PTK2B: variants seen among roughly 807,000 people sequenced by gnomAD.
The protein encoded by PTK2B is protein-tyrosine kinase 2-beta.
PTK2B carries 71 observed loss-of-function variants against 142.9 expected under a neutral mutation model. That is an observed-to-expected ratio of 0.50 (90% confidence interval 0.41 to 0.61). The LOEUF is 0.61. Ranked by LOEUF, PTK2B falls within the 20% of genes least tolerant of loss-of-function variation. PTK2B has a pLI of 0.00. For synonymous variants in PTK2B, 519 were observed against 503.4 expected (o/e 1.03, Z -0.42); for missense variants, 1,105 against 1,320.4 (o/e 0.84, Z 2.53).
chr8:27,356,757 C>T lies in PTK2B; in HGVS notation c.-38+31076C>T, dbSNP rs111371017. Among the ~76,000 whole-genome samples, 10 of 152,356 alleles carry T rather than the reference C, an allele frequency of 6.6e-5. No homozygotes were observed. The South Asian group carries it at 8.3e-4, about 13-fold the overall frequency. ...ATGAACAAACTATTGACACGGGCAA[C>T]GACCTGGATGGATCTCAAGGGTATT... is the stretch of plus-strand genomic sequence containing the variant. On this transcript the variant is annotated intron_variant, in intron 1 of 30. Transcript: ENST00000346049.
chr8:27,438,156 G>A (rs758795902), intron 18 of PTK2B, among the ~76,000 whole-genome samples: 26 of 152,204 alleles, frequency 1.7e-4, no homozygotes, highest in Non-Finnish European at 3.8e-4. Context: ...TCCCCTGTGA[G>A]TGCCAGGAAA....
chr8:27,345,728 T>A (rs1804674521), intron 1 of PTK2B, among the ~76,000 whole-genome samples: 1 of 152,240 alleles, frequency 6.6e-6, no homozygotes, highest in Non-Finnish European at 1.5e-5. Flanking sequence ...AGGCAGCTTC[T>A]ATGACACATG....
chr8:27,407,679 CAG>C (rs1347137682), intron 2 of PTK2B, among the ~76,000 whole-genome samples: 2 of 152,202 alleles, frequency 1.3e-5, no homozygotes, highest in African/African-American at 4.8e-5. Context: ...TCAGGGGAGT[CAG>C]AGGAACCTCT....
At chr8:27,337,887 G>A (rs1187982576) in intron 1 of PTK2B, among the ~76,000 whole-genome samples, 1 of 152,190 alleles carries the variant, frequency 6.6e-6, no homozygotes, top group African/African-American at 2.4e-5. Flanking sequence ...AGACTTAAGA[G>A]TGGAGTTGCC....
intron 1 of PTK2B, among the ~76,000 whole-genome samples, chr8:27,347,450 A>C (rs1804783559): frequency 6.6e-6 from 1 of 152,220 alleles, no homozygotes; most frequent in South Asian, 2.1e-4. Context: ...GGGCAGCTTC[A>C]ACAACGGAGA....
chr8:27,445,133 G>A (rs1294726692), intron 23 of PTK2B, among the ~76,000 whole-genome samples: 1 of 152,202 alleles, frequency 6.6e-6, no homozygotes, highest in Non-Finnish European at 1.5e-5. Flanking sequence ...TACTAAGGAG[G>A]GTGAGATGGG....
chr8:27,414,357 G>A (rs1190886836), intron 2 of PTK2B, among the ~76,000 whole-genome samples: 2 of 151,976 alleles, frequency 1.3e-5, no homozygotes, highest in African/African-American at 4.8e-5. Context: ...CCATTCTCCT[G>A]CCTCAGCCTC....
intron 3 of PTK2B, among the ~76,000 whole-genome samples, chr8:27,420,412 G>A (rs1487264225): frequency 6.6e-6 from 1 of 152,208 alleles, no homozygotes; most frequent in Non-Finnish European, 1.5e-5. Context: ...TGCCATGAGG[G>A]AGAAAGGTGG....
intron 30 of PTK2B, among the ~76,000 whole-genome samples, chr8:27,457,868 G>A (rs931087131): frequency 2.6e-5 from 4 of 151,846 alleles, no homozygotes; most frequent in Non-Finnish European, 5.9e-5. Flanking sequence ...CCAGCTACTC[G>A]GGAGGCTGAG....
At position 27,451,389 on chromosome 8, in the gene PTK2B, C is replaced by CT. The variant is rs893590966; in HGVS notation, c.2524-96_2524-95insT. Reference sequence around the variant, plus strand: ...CGACCCCATGGCTGTAATCTCTAAACACACAGTGGAGGGACTGGGGAATGG... The same window carrying CT: ...CGACCCCATGGCTGTAATCTCTAAACTACACAGTGGAGGGACTGGGGAATGG... On this transcript the variant is annotated intron_variant, in intron 26 of 30. Coordinates refer to ENST00000346049, the MANE Select transcript of PTK2B (RefSeq NM_173176.3). 5 of 1,571,038 alleles carry CT rather than the reference C, an allele frequency of 3.2e-6. No homozygotes were observed. In the Admixed American group the frequency reaches 5.2e-5, roughly 16 times the overall value.
At chr8:27,446,483 G>C (rs574912611) in intron 24 of PTK2B, among the ~76,000 whole-genome samples, 1 of 152,158 alleles carries the variant, frequency 6.6e-6, no homozygotes, top group Non-Finnish European at 1.5e-5. Context: ...GTCACGGGGG[G>C]TTGTTAACTG....
upstream of PTK2B, chr8:27,323,262 C>G (rs1447581753): frequency 6.6e-6 from 1 of 152,256 alleles, no homozygotes; most frequent in African/African-American, 2.4e-5. Context: ...TGTTGACATT[C>G]ACAGGGAGGG....
chr8:27,321,002 T>TTTTTTTTTTTTTG (rs1253311095), upstream of PTK2B, among the ~76,000 whole-genome samples: 1 of 132,318 alleles, frequency 7.6e-6, no homozygotes, highest in African/African-American at 2.9e-5. Context: ...TTTTTTTTTT[T>TTTTTTTTTTTTTG]TTTTTTTGAG....
chr8:27,430,301 G>A, intron 6 of PTK2B, 63 bp from the exon 7 acceptor site: 2 of 1,606,938 alleles, frequency 1.2e-6, no homozygotes, highest in Non-Finnish European at 1.7e-6. Context: ...TTCCTGATTG[G>A]CCCGCAGTCC....
intron 2 of PTK2B, among the ~76,000 whole-genome samples, chr8:27,411,483 A>C (rs1035698919): frequency 3.3e-5 from 5 of 152,230 alleles, no homozygotes; most frequent in Admixed American, 2.0e-4. Context: ...TCTGTTTTGC[A>C]TAGTGAGTAT....
chr8:27,364,508 G>A (rs1586166755), intron 1 of PTK2B, among the ~76,000 whole-genome samples: 1 of 152,238 alleles, frequency 6.6e-6, no homozygotes, highest in Non-Finnish European at 1.5e-5. Flanking sequence ...AACTTGAGGT[G>A]GGCTTTACCA....
intron 1 of PTK2B, among the ~76,000 whole-genome samples, chr8:27,395,259 CAT>C (rs753043504): frequency 6.6e-6 from 1 of 152,184 alleles, no homozygotes; most frequent in African/African-American, 2.4e-5. Flanking sequence ...ACCACGAACA[CAT>C]GAGTCATGCG....
intron 24 of PTK2B, among the ~76,000 whole-genome samples, chr8:27,446,506 G>A (rs150933848): frequency 5.7e-4 from 87 of 152,244 alleles, no homozygotes; most frequent in African/African-American, 1.7e-3. Flanking sequence ...GGTGAAGCCC[G>A]GAGTGCTTCA....
At position 27,367,799 on chromosome 8, in the gene PTK2B, A is replaced by G. The variant is rs111995336; in HGVS notation, c.-37-29749A>G. 7.2e-3 allele frequency among the ~76,000 whole-genome samples: 1,095 copies of G among 152,278 alleles called. 10 individuals are homozygous for G. The highest frequency in any genetic ancestry group is 0.024 in the African/African-American group (984 of 41,550). ...GGGGAGGTGCCAGCCTCCTTTTTAA[A>G]CAATCAGATCTCACATGAACTCATT... is the stretch of plus-strand genomic sequence containing the variant. On this transcript the variant is annotated intron_variant, in intron 1 of 30. Coordinates refer to ENST00000346049, the MANE Select transcript of PTK2B (RefSeq NM_173176.3).
Sources: allele counts gnomAD v4.1 joint callset (sites outside exome capture counted in the v4.1 genomes callset), GRCh38; gene constraint gnomAD v4.1.1; transcripts MANE v1.5; gene names NCBI Gene and HGNC (gene_info 2026-07-23, HGNC 2026-07-21).